The following WDR93 variants were observed in gnomAD, a reference collection of about 807,000 sequenced individuals.
WDR93 encodes the protein WD repeat-containing protein 93.
WDR93 carries 73 observed loss-of-function variants against 82.9 expected under a neutral mutation model. That is an observed-to-expected ratio of 0.88 (90% CI 0.73 to 1.07). The LOEUF (loss-of-function observed/expected upper bound fraction) is 1.07. WDR93 is among the 50% of genes least tolerant of loss of function. The pLI is 0.00. For synonymous variants in WDR93, 283 were observed against 300.1 expected, an observed-to-expected ratio of 0.94 and a Z score of 0.59; for missense variants, 738 against 826.0, an observed-to-expected ratio of 0.89 and a Z score of 1.31.
At chr15:89,729,218 T>A (rs1966841244) in intron 10 of WDR93, 125 bp downstream of exon 10, 17 of 903,522 alleles carry the variant, frequency 1.9e-5, no homozygotes, top group Non-Finnish European at 3.1e-5. Context: ...AGAGGGGAGT[T>A]TGGTTGCCAG....
intron 11 of WDR93, among the ~76,000 whole-genome samples, chr15:89,730,122 C>G (rs939329072): frequency 6.6e-6 from 1 of 152,052 alleles, no homozygotes; most frequent in South Asian, 2.1e-4. Flanking sequence ...GTCAGGAGTT[C>G]AAGACCAGCC....
intron 4 of WDR93, among the ~76,000 whole-genome samples, chr15:89,709,825 T>A (rs1965880847): frequency 6.6e-6 from 1 of 151,780 alleles, no homozygotes; most frequent in African/African-American, 2.4e-5. Context: ...CACAAAAAGA[T>A]TTGTACAAGA....
Position 89,727,187 on chromosome 15 carries a change from T to G in WDR93, c.911T>G (p.Phe304Cys). The G allele has an allele frequency of 6.2e-7, 1 of 1,613,930 alleles. No homozygotes were observed. Among genetic ancestry groups the G allele is most frequent in the South Asian group, 1.1e-5 (1 of 91,054 alleles). Residue 304 changes from phenylalanine to cysteine, a missense_variant, in exon 9 of 17, where the codon TTT becomes TGT. Physicochemically the swap from Phe to Cys is radical, Grantham distance 205. Coordinates refer to ENST00000268130, the MANE Select transcript of WDR93 (RefSeq NM_020212.2). ...GTTFKSPLEVFAKIKDCYGLG... is the reference protein window; with the variant it reads ...GTTFKSPLEVCAKIKDCYGLG... Reference sequence around the variant, plus strand: ...ACATTCAAAAGCCCCCTGGAAGTCTTTGCAAAGATCAAGGACTGCTACGGA... The same window carrying G: ...ACATTCAAAAGCCCCCTGGAAGTCTGTGCAAAGATCAAGGACTGCTACGGA...
At chr15:89,726,828 T>C (rs958845726) in intron 8 of WDR93, among the ~76,000 whole-genome samples, 4 of 152,042 alleles carry the variant, frequency 2.6e-5, no homozygotes, top group Non-Finnish European at 5.9e-5. Flanking sequence ...TGATCTAAAG[T>C]CTCCAGTGGC....
chr15:89,715,171 C>A, intron 6 of WDR93, 76 bp downstream of exon 6: 1 of 1,341,104 alleles, frequency 7.5e-7, no homozygotes, highest in Non-Finnish European at 1.0e-6. Flanking sequence ...TCCTTGGAAA[C>A]TTATGGTGAA....
chr15:89,720,063 T>C (rs1966454705), intron 7 of WDR93, among the ~76,000 whole-genome samples: 1 of 150,108 alleles, frequency 6.7e-6, no homozygotes, highest in Non-Finnish European at 1.5e-5. Flanking sequence ...CCTCCCAAAG[T>C]GTTGGGATTA....
intron 8 of WDR93, among the ~76,000 whole-genome samples, chr15:89,724,867 G>T (rs1282877773): frequency 6.6e-6 from 1 of 152,172 alleles, no homozygotes; most frequent in African/African-American, 2.4e-5. Flanking sequence ...ATTTAGCAAT[G>T]AAAACTGGTA....
At position 89,690,819 on chromosome 15, in the gene WDR93, A is replaced by C; in HGVS notation, c.-79A>C. The C allele has an allele frequency of 1.8e-6, 1 of 559,494 alleles. No homozygotes were observed. Among genetic ancestry groups the C allele is most frequent in the Non-Finnish European group, 3.2e-6 (1 of 314,216 alleles). The allele number at this position is 559,494 out of a possible 1,614,324, so 34.7% of individuals were successfully genotyped here. On this transcript the variant is annotated 5_prime_UTR_variant, in exon 1 of 17. Transcript: ENST00000268130. ...TCGCGGACTTCCGGTTCAAGCCGGAAGTTGTGGTTACCAAGGCGACGCAAC... is the reference window on the plus strand; with the variant it reads ...TCGCGGACTTCCGGTTCAAGCCGGACGTTGTGGTTACCAAGGCGACGCAAC...
intron 4 of WDR93, 64 bp from the exon 5 acceptor site, chr15:89,711,962 G>A (rs189401257): frequency 1.3e-3 from 1,704 of 1,352,424 alleles, no homozygotes; most frequent in Non-Finnish European, 1.6e-3. Context: ...ACCACAGAAG[G>A]TCCTGAAATA....
chr15:89,698,099 T>C (rs1266524660), intron 1 of WDR93, among the ~76,000 whole-genome samples: 1 of 151,914 alleles, frequency 6.6e-6, no homozygotes, highest in Non-Finnish European at 1.5e-5. Flanking sequence ...TTAGCCAGGA[T>C]GGTCTCGATC....
At chr15:89,690,654 G>C (rs1163265349), upstream of WDR93, 19 of 1,544,732 alleles carry the variant, frequency 1.2e-5, no homozygotes, top group Non-Finnish European at 1.5e-5. Flanking sequence ...CAAAGGCCAC[G>C]AGTCGCACGG....
At chr15:89,720,990 A>T in intron 7 of WDR93, 1 of 152,012 alleles carries the variant, frequency 6.6e-6, no homozygotes, top group African/African-American at 2.4e-5. Flanking sequence ...TGTATTTTGA[A>T]GCTTTGTAAT....
chr15:89,742,452 G>A (rs1251580100), intron 16 of WDR93, among the ~76,000 whole-genome samples: 1 of 151,998 alleles, frequency 6.6e-6, no homozygotes, highest in Non-Finnish European at 1.5e-5. Context: ...CCGTCTCTGT[G>A]TGCACTCTGA....
chr15:89,743,607 T>C lies in WDR93; in HGVS notation c.*216T>C, dbSNP rs1445120770. 5.2e-6 allele frequency: 3 copies of C among 579,228 alleles called. No individual in the cohort carries two copies. The highest frequency in any genetic ancestry group is 9.2e-6 in the Non-Finnish European group (3 of 325,182). The allele number at this position is 579,228 out of a possible 1,614,324, so 35.9% of individuals were successfully genotyped here. ...CAGAGCCCTCAGGCAGGCAGATGTGTCACCCAAATAAACAGTGATATTGTC... is the reference window on the plus strand; with the variant it reads ...CAGAGCCCTCAGGCAGGCAGATGTGCCACCCAAATAAACAGTGATATTGTC... On this transcript the variant is annotated 3_prime_UTR_variant, in exon 17 of 17. Transcript: ENST00000268130.
At chr15:89,740,463 T>C (rs1370187639) in intron 16 of WDR93, among the ~76,000 whole-genome samples, 1 of 152,178 alleles carries the variant, frequency 6.6e-6, no homozygotes, top group Non-Finnish European at 1.5e-5. Flanking sequence ...CTACCAAGAA[T>C]GTTCAACTAT....
At chr15:89,725,046 T>C (rs1966678996) in intron 8 of WDR93, among the ~76,000 whole-genome samples, 1 of 152,116 alleles carries the variant, frequency 6.6e-6, no homozygotes, top group Admixed American at 6.5e-5. Context: ...ACTAGGAAAC[T>C]CCTAAGCAAG....
intron 4 of WDR93, among the ~76,000 whole-genome samples, chr15:89,708,029 T>C (rs1471767943): frequency 1.3e-5 from 2 of 152,152 alleles, no homozygotes; most frequent in Non-Finnish European, 2.9e-5. Context: ...GTGAAAGAAG[T>C]CAGATAAAAA....
chr15:89,727,254 G>C lies in WDR93; in HGVS notation c.978G>C (p.Trp326Cys), dbSNP rs1490110471. 4 of 1,614,150 alleles carry C rather than the reference G, an allele frequency of 2.5e-6. No individual in the cohort carries two copies. Among genetic ancestry groups the C allele is most frequent in the Admixed American group, 1.7e-5 (1 of 60,026 alleles). Residue 326 changes from tryptophan to cysteine, a missense_variant, in exon 9 of 17, where the codon TGG becomes TGC. By Grantham distance (215) the Trp-to-Cys change is radical (BLOSUM62 -2). Transcript: ENST00000268130. Reference sequence around the variant, plus strand: ...ATCATTTCATCAAGGACAGTCAGTGGGAGCAGCAAGCTGAGATCTTCAACG... The same window carrying C: ...ATCATTTCATCAAGGACAGTCAGTGCGAGCAGCAAGCTGAGATCTTCAACG... ...GQNHFIKDSQ[W>C]EQQAEIFNAS... is the part of the protein sequence containing the mutation.
In WDR93 at chr15:89,729,059, A is replaced by T; in HGVS notation, c.1089A>T (p.Leu363=). The change falls in exon 10 of 17, where the codon CTA becomes CTT. Residue 363 remains leucine (L), a synonymous_variant. Transcript: ENST00000268130. Reference sequence around the variant, plus strand: ...TCTATTTCCTTCTTCCTAGCTGCCTATTTGCAATGCCACCGGAAGTCAAGG... The same window carrying T: ...TCTATTTCCTTCTTCCTAGCTGCCTTTTTGCAATGCCACCGGAAGTCAAGG... ...ATFYFLLPSC[L]FAMPPEVKGP... is the part of the protein sequence containing the mutation. 2 of 1,613,898 alleles carry T rather than the reference A, an allele frequency of 1.2e-6. No homozygotes were observed. Among genetic ancestry groups the T allele is most frequent in the Non-Finnish European group, 1.7e-6 (2 of 1,179,986 alleles).
Sources: gnomAD v4.1 joint callset for allele counts (sites outside exome capture counted in the v4.1 genomes callset) on GRCh38, gnomAD v4.1.1 for gene constraint, MANE v1.5 for transcripts, NCBI Gene and HGNC (gene_info 2026-07-23, HGNC 2026-07-21) for gene names.